The following EYS variants were observed in gnomAD, a reference collection of about 807,000 sequenced individuals.
The protein encoded by EYS is EGF-like photoreceptor maintenance factor.
In EYS, 250 loss-of-function variants were observed where a neutral mutation model predicts 282.1. That is an observed-to-expected ratio of 0.89 (90% CI 0.80 to 0.98). The LOEUF is 0.98. Among genes scored for constraint, EYS ranks in the 50% least tolerant of loss-of-function variants. EYS has a pLI of 0.00. For synonymous variants in EYS, 1,355 were observed against 1,282.9 expected, an observed-to-expected ratio of 1.06 and a Z score of -1.20; for missense variants, 4,016 against 3,709.0, an observed-to-expected ratio of 1.08 and a Z score of -2.15.
intron 15 of EYS, among the ~76,000 whole-genome samples, chr6:64,924,433 C>A (rs1472302384): frequency 3.9e-5 from 6 of 152,088 alleles, no homozygotes; most frequent in Admixed American, 3.9e-4. Flanking sequence ...GCATGGCCTG[C>A]AGACATTTTC....
At chr6:65,257,348 G>C (rs968391910) in intron 12 of EYS, among the ~76,000 whole-genome samples, 2 of 103,438 alleles carry the variant, frequency 1.9e-5, no homozygotes, top group African/African-American at 5.0e-5. Context: ...CCTTGCCCAC[G>C]CCTATGTCCT....
intron 34 of EYS, among the ~76,000 whole-genome samples, chr6:63,996,368 T>C (rs1767835549): frequency 1.3e-5 from 2 of 152,002 alleles, no homozygotes; most frequent in Admixed American, 1.3e-4. Context: ...GAAGAAAAAG[T>C]TCTAGAGATC....
intron 37 of EYS, among the ~76,000 whole-genome samples, chr6:63,789,736 A>G (rs966178470): frequency 3.3e-5 from 5 of 152,186 alleles, no homozygotes; most frequent in Non-Finnish European, 7.3e-5. Context: ...ATGACCATTT[A>G]AAGGTGGATT....
At chr6:64,649,179 A>G (rs1269424484) in intron 22 of EYS, among the ~76,000 whole-genome samples, 2 of 152,210 alleles carry the variant, frequency 1.3e-5, no homozygotes, top group Non-Finnish European at 2.9e-5. Flanking sequence ...AAATTTAATG[A>G]AAAAAGACAC....
At chr6:65,064,468 T>C (rs962683995) in intron 12 of EYS, among the ~76,000 whole-genome samples, 4 of 146,264 alleles carry the variant, frequency 2.7e-5, no homozygotes, top group Non-Finnish European at 6.0e-5. Context: ...ATATGATATA[T>C]AGTATATGAT....
chr6:64,720,378 A>G (rs1771538942), intron 22 of EYS, among the ~76,000 whole-genome samples: 1 of 152,146 alleles, frequency 6.6e-6, no homozygotes, highest in African/African-American at 2.4e-5. Flanking sequence ...CAATATCCTT[A>G]ACTTAATCCT....
intron 15 of EYS, among the ~76,000 whole-genome samples, chr6:64,917,343 C>G (rs1448236376): frequency 2.0e-5 from 3 of 151,572 alleles, no homozygotes. Context: ...TTACCATAAA[C>G]ATTTATTTGT....
At chr6:63,932,204 G>A (rs1764915540) in intron 35 of EYS, among the ~76,000 whole-genome samples, 1 of 152,072 alleles carries the variant, frequency 6.6e-6, no homozygotes, top group Non-Finnish European at 1.5e-5. Context: ...TTGTGTACAT[G>A]TCCCACATTT....
rs547413351 is a variant in EYS, at chr6:64,593,399, T to C, written c.3685-90A>G. On this transcript the variant is annotated intron_variant, in intron 24 of 42. Coordinates refer to ENST00000503581, the MANE Select transcript of EYS (RefSeq NM_001142800.2). ...AGTTTGTTTTGAGATCCATTTGCAT[T>C]TCCATAGACATATTGGATAGCTCAA... The C allele has an allele frequency of 3.1e-6, 3 of 959,534 alleles. No individual in the cohort carries two copies. In the East Asian group the frequency reaches 8.3e-5, roughly 26 times the overall value. The allele number at this position is 959,534 out of a possible 1,614,324, so 59.4% of individuals were successfully genotyped here.
At position 65,429,652 on chromosome 6, in the gene EYS, G is replaced by A. The variant is rs111235211; in HGVS notation, c.863-24285C>T. ...CCAGATTACACACTATAAACAAAGT[G>A]ATATTGGGACTTGACTATACAATAA... On this transcript the variant is annotated intron_variant, in intron 5 of 42. Transcript: ENST00000503581. 2.4e-3 allele frequency among the ~76,000 whole-genome samples: 364 copies of A among 152,096 alleles called. 2 individuals are homozygous for A. The highest frequency in any genetic ancestry group is 8.3e-3 in the African/African-American group (345 of 41,502).
chr6:64,716,055 A>C (rs1176311901), intron 22 of EYS, among the ~76,000 whole-genome samples: 1 of 152,218 alleles, frequency 6.6e-6, no homozygotes, highest in Non-Finnish European at 1.5e-5. Flanking sequence ...ACAGAGCTGC[A>C]TGAAGAGACG....
intron 13 of EYS, among the ~76,000 whole-genome samples, chr6:65,037,571 G>T (rs1772807956): frequency 6.6e-6 from 1 of 151,494 alleles, no homozygotes; most frequent in Non-Finnish European, 1.5e-5. Flanking sequence ...TTTTCTCTAG[G>T]TTACTTTATT....
intron 15 of EYS, among the ~76,000 whole-genome samples, chr6:64,933,685 TATG>T (rs748234735): frequency 6.6e-6 from 1 of 152,182 alleles, no homozygotes; most frequent in Non-Finnish European, 1.5e-5. Context: ...CATCCACACG[TATG>T]TTTATTGCAA....
At chr6:65,706,222 A>G (rs1252211354) in intron 1 of EYS, among the ~76,000 whole-genome samples, 2 of 151,866 alleles carry the variant, frequency 1.3e-5, no homozygotes, top group African/African-American at 4.8e-5. Context: ...ATGAGTATAT[A>G]TATCAATAGT....
intron 22 of EYS, among the ~76,000 whole-genome samples, chr6:64,738,338 C>G (rs1240123454): frequency 6.6e-6 from 1 of 152,164 alleles, no homozygotes; most frequent in Non-Finnish European, 1.5e-5. Flanking sequence ...CTTGCTTCCT[C>G]TTTCCTTGTG....
At chr6:64,614,236 G>C (rs559002619) in intron 24 of EYS, among the ~76,000 whole-genome samples, 2 of 152,008 alleles carry the variant, frequency 1.3e-5, no homozygotes, top group Non-Finnish European at 2.9e-5. Flanking sequence ...AAAAATATAA[G>C]ACGAAATTTT....
At chr6:64,344,814 C>G (rs1338937998) in intron 29 of EYS, among the ~76,000 whole-genome samples, 1 of 151,996 alleles carries the variant, frequency 6.6e-6, no homozygotes, top group Non-Finnish European at 1.5e-5. Context: ...GGTCTCAGCC[C>G]AAAATCTCTT....
chr6:64,245,759 A>T (rs1422145987), intron 30 of EYS, among the ~76,000 whole-genome samples: 1 of 152,154 alleles, frequency 6.6e-6, no homozygotes, highest in Non-Finnish European at 1.5e-5. Context: ...CCATTACTCC[A>T]AAGAGGATTT....
intron 12 of EYS, among the ~76,000 whole-genome samples, chr6:65,206,548 G>C (rs1186518652): frequency 1.3e-5 from 2 of 151,666 alleles, no homozygotes; most frequent in East Asian, 3.9e-4. Flanking sequence ...AAGTATCACT[G>C]TAATACTAAA....
Sources: allele counts gnomAD v4.1 joint callset (sites outside exome capture counted in the v4.1 genomes callset), GRCh38; gene constraint gnomAD v4.1.1; transcripts MANE v1.5; gene names NCBI Gene and HGNC (gene_info 2026-07-23, HGNC 2026-07-21).